Variants in GTSE1 observed in about 807,000 individuals in gnomAD.
GTSE1 encodes G2 and S-phase expressed 1.
In GTSE1, 52 loss-of-function variants were observed where a neutral mutation model predicts 60.5. That is an observed-to-expected ratio of 0.86 (90% CI 0.69 to 1.08). The LOEUF (loss-of-function observed/expected upper bound fraction) is 1.08. Ranked by LOEUF, GTSE1 falls within the 50% of genes least tolerant of loss-of-function variation. The pLI is 0.00. For synonymous variants in GTSE1, 368 were observed against 386.5 expected, an observed-to-expected ratio of 0.95 and a Z score of 0.56; for missense variants, 937 against 961.8, an observed-to-expected ratio of 0.97 and a Z score of 0.34.
rs529440704 is a variant in GTSE1, at chr22:46,321,438, C to T, written c.1433-1752C>T. ...AGAAAAGAAACAAACAAACTGAAAA[C>T]GGAGGTGGAGAGAGGGTGGGAGCAT... On this transcript the variant is annotated intron_variant, in intron 7 of 11. Coordinates refer to ENST00000454366, the MANE Select transcript of GTSE1 (RefSeq NM_016426.7). The surrounding 1 kb of genome is among the most constrained non-coding windows in gnomAD (Gnocchi z 4.0). 1.3e-5 allele frequency among the ~76,000 whole-genome samples: 2 copies of T among 152,184 alleles called. No individual in the cohort carries two copies. The highest frequency in any genetic ancestry group is 1.9e-4 in the East Asian group (1 of 5,158).
chr22:46,314,345 T>C lies in GTSE1; in HGVS notation c.1051+332T>C, dbSNP rs2077766498. Among the ~76,000 whole-genome samples the C allele has an allele frequency of 6.6e-6, 1 of 152,160 alleles. No homozygotes were observed. The highest frequency in any genetic ancestry group is 2.4e-5 in the African/African-American group (1 of 41,440). ...AGACACCAGTTTTAAAATAGGACTA[T>C]TCCAGATAATGTAGGGCATATGGCC... On this transcript the variant is annotated intron_variant, in intron 6 of 11. Coordinates refer to ENST00000454366, the MANE Select transcript of GTSE1 (RefSeq NM_016426.7). This position sits in a 1 kb window ranked among gnomAD's most constrained non-coding sequence, Gnocchi z 7.1.
intron 9 of GTSE1, 69 bp from the exon 10 acceptor site, chr22:46,328,619 C>A: frequency 2.4e-6 from 3 of 1,238,950 alleles, no homozygotes; most frequent in South Asian, 1.3e-5. Flanking sequence ...GAGTGACTTG[C>A]TTCCCACATC....
At chr22:46,311,147 G>T (rs920556177) in intron 4 of GTSE1, among the ~76,000 whole-genome samples, 3 of 151,656 alleles carry the variant, frequency 2.0e-5, no homozygotes, top group African/African-American at 7.3e-5. Context: ...GTGCAATCTC[G>T]GCTCACTGCA....
chr22:46,330,250 G>T lies in GTSE1; in HGVS notation c.*120G>T. ...TAACCCTAGAACTTGGGAGGCTGAG[G>T]TGGGCGGATTACTTGAGCCCAGGAG... On this transcript the variant is annotated 3_prime_UTR_variant, in exon 12 of 12. Coordinates refer to ENST00000454366, the MANE Select transcript of GTSE1 (RefSeq NM_016426.7). This position sits in a 1 kb window ranked among gnomAD's most constrained non-coding sequence, Gnocchi z 6.0. 1.5e-6 allele frequency: 1 copy of T among 669,124 alleles called. No individual in the cohort carries two copies. The highest frequency in any genetic ancestry group is 2.7e-5 in the East Asian group (1 of 37,196). 41.4% of individuals were successfully genotyped at this position (669,124 alleles called of 1,614,324 possible).
chr22:46,315,859 A>C (rs533230947), intron 6 of GTSE1, among the ~76,000 whole-genome samples, 173 bp from the exon 7 acceptor site: 3 of 152,394 alleles, frequency 2.0e-5, no homozygotes, highest in African/African-American at 7.2e-5. Flanking sequence ...CAGCTAAGCT[A>C]AAAGCTGCCT....
chr22:46,323,350 C>T, intron 8 of GTSE1, 88 bp downstream of exon 8: 2 of 1,009,658 alleles, frequency 2.0e-6, no homozygotes, highest in South Asian at 2.5e-5. Context: ...ACCCTGCAGC[C>T]TGGCCTGCGC....
rs1287746306 is a variant in GTSE1, at chr22:46,319,847, A to T, written c.1433-3343A>T. The stretch of plus-strand genomic sequence containing the variant: ...CTAAAAATAGAAAAATTAGCCAGGC[A>T]TGGTGGCGCATGCCTGTAATCCCAG... On this transcript the variant is annotated intron_variant, in intron 7 of 11. Coordinates refer to ENST00000454366, the MANE Select transcript of GTSE1 (RefSeq NM_016426.7). The surrounding 1 kb of genome is among the most constrained non-coding windows in gnomAD (Gnocchi z 5.0). Among the ~76,000 whole-genome samples, 1 of 152,034 alleles carries T rather than the reference A, an allele frequency of 6.6e-6. No individual in the cohort carries two copies. The highest frequency in any genetic ancestry group is 2.4e-5 in the African/African-American group (1 of 41,410).
At chr22:46,326,310 G>A (rs1417935892) in intron 8 of GTSE1, 126 bp from the exon 9 acceptor site, 2 of 720,838 alleles carry the variant, frequency 2.8e-6, no homozygotes. Flanking sequence ...GCTCACACGG[G>A]CTCCCTGGCT....
Position 46,318,114 on chromosome 22 carries a change from ACTGGCCCCAGCAGGTGT to A in GTSE1, c.1432+1709_1432+1725del, listed in dbSNP as rs1391616419. On this transcript the variant is annotated intron_variant, in intron 7 of 11. Coordinates refer to ENST00000454366, the MANE Select transcript of GTSE1 (RefSeq NM_016426.7). The surrounding 1 kb of genome is among the most constrained non-coding windows in gnomAD (Gnocchi z 4.8). ...ACTGCCTTCTCCAGTCAGTGAGGCC[ACTGGCCCCAGCAGGTGT>A]CTGGCCATTAGTGGGTGGGTGTTTG... 6.6e-6 allele frequency among the ~76,000 whole-genome samples: 1 copy of A among 152,260 alleles called. No homozygotes were observed. Among genetic ancestry groups the A allele is most frequent in the East Asian group, 1.9e-4 (1 of 5,196 alleles).
intron 4 of GTSE1, among the ~76,000 whole-genome samples, 164 bp from the exon 5 acceptor site, chr22:46,311,977 G>C (rs1173988276): frequency 6.6e-6 from 1 of 152,210 alleles, no homozygotes; most frequent in Non-Finnish European, 1.5e-5. Flanking sequence ...TTTGGTGGAG[G>C]ATGCGAACTG....
Position 46,320,277 on chromosome 22 carries a change from T to C in GTSE1, c.1433-2913T>C, listed in dbSNP as rs1298977118. Among the ~76,000 whole-genome samples, 1 of 152,220 alleles carries C rather than the reference T, an allele frequency of 6.6e-6. No homozygotes were observed. Among genetic ancestry groups the C allele is most frequent in the Non-Finnish European group, 1.5e-5 (1 of 68,044 alleles). ...CCAGAGCGTGTCCCTGCGGTCTCCT[T>C]ACGCACCTCTCAGATGTGCATTTCA... On this transcript the variant is annotated intron_variant, in intron 7 of 11. Transcript: ENST00000454366. This position sits in a 1 kb window ranked among gnomAD's most constrained non-coding sequence, Gnocchi z 7.1.
chr22:46,299,515 C>A (rs1433116115), intron 2 of GTSE1, among the ~76,000 whole-genome samples: 2 of 152,200 alleles, frequency 1.3e-5, no homozygotes, highest in Non-Finnish European at 2.9e-5. Context: ...CCCAGCTGTG[C>A]AAGCTGAGAA....
In GTSE1 at chr22:46,309,736, C is replaced by T. The variant is rs1020229647; in HGVS notation, c.762+793C>T. On this transcript the variant is annotated intron_variant, in intron 4 of 11. Transcript: ENST00000454366. The surrounding 1 kb of genome is among the most constrained non-coding windows in gnomAD (Gnocchi z 6.2). ...GGATGGAAGGCAGCCGAGGTGCAGC[C>T]GCCACGCCACACACTGCCCTTGACA... Among the ~76,000 whole-genome samples the T allele has an allele frequency of 3.9e-5, 6 of 152,192 alleles. No homozygotes were observed. The highest frequency in any genetic ancestry group is 2.1e-4 in the South Asian group (1 of 4,832).
In GTSE1 at chr22:46,309,014, A is replaced by G; in HGVS notation, c.762+71A>G. 2 of 1,504,588 alleles carry G rather than the reference A, an allele frequency of 1.3e-6. No individual in the cohort carries two copies. The highest frequency in any genetic ancestry group is 1.8e-6 in the Non-Finnish European group (2 of 1,118,188). The allele number at this position is 1,504,588 out of a possible 1,614,324, so 93.2% of individuals were successfully genotyped here. A position where few individuals can be genotyped will look rare whatever the true frequency, so the allele number is the denominator to read the frequency against. On this transcript the variant is annotated intron_variant, in intron 4 of 11. Transcript: ENST00000454366. This position sits in a 1 kb window ranked among gnomAD's most constrained non-coding sequence, Gnocchi z 6.2. ...GCCCCTCAGCCCTCTCACAGAAGCC[A>G]CATGCGGAAAGCCTCAGAGGTGGCG...
chr22:46,316,557 C>T lies in GTSE1; in HGVS notation c.1432+145C>T. 2 of 652,234 alleles carry T rather than the reference C, an allele frequency of 3.1e-6. No individual in the cohort carries two copies. The highest frequency in any genetic ancestry group is 5.2e-6 in the Non-Finnish European group (2 of 385,610). 40.4% of individuals were successfully genotyped at this position (652,234 alleles called of 1,614,324 possible). A position where few individuals can be genotyped will look rare whatever the true frequency, so the allele number is the denominator to read the frequency against. On this transcript the variant is annotated intron_variant, in intron 7 of 11. Coordinates refer to ENST00000454366, the MANE Select transcript of GTSE1 (RefSeq NM_016426.7). The surrounding 1 kb of genome is among the most constrained non-coding windows in gnomAD (Gnocchi z 5.0). ...TCAGGTGTGACCCGCTGTCTTCTCGCCCACGTTGTTTTGGGGGGTCACTGG... is the reference window on the plus strand; with the variant it reads ...TCAGGTGTGACCCGCTGTCTTCTCGTCCACGTTGTTTTGGGGGGTCACTGG...
chr22:46,328,625 A>G, intron 9 of GTSE1, 63 bp from the exon 10 acceptor site: 4 of 1,305,066 alleles, frequency 3.1e-6, no homozygotes, highest in Non-Finnish European at 4.4e-6. Context: ...CTTGCTTCCC[A>G]CATCAGCCAA....
At chr22:46,301,872 T>C (rs766552147) in intron 2 of GTSE1, among the ~76,000 whole-genome samples, 25 of 152,190 alleles carry the variant, frequency 1.6e-4, no homozygotes, top group Non-Finnish European at 2.5e-4. Context: ...CTTGCGCCTG[T>C]CATCCCAACA....
chr22:46,318,315 G>A lies in GTSE1; in HGVS notation c.1432+1903G>A, dbSNP rs2077792680. On this transcript the variant is annotated intron_variant, in intron 7 of 11. Transcript: ENST00000454366. This position sits in a 1 kb window ranked among gnomAD's most constrained non-coding sequence, Gnocchi z 4.8. ...CTGGCAGTGCCGGCCAGCACAGGCAGCCTGCAACTCCCAGAAACTGCATTC... is the reference window on the plus strand; with the variant it reads ...CTGGCAGTGCCGGCCAGCACAGGCAACCTGCAACTCCCAGAAACTGCATTC... 6.6e-6 allele frequency among the ~76,000 whole-genome samples: 1 copy of A among 152,202 alleles called. No homozygotes were observed. The highest frequency in any genetic ancestry group is 2.1e-4 in the South Asian group (1 of 4,830).
chr22:46,312,042 G>A, intron 4 of GTSE1, 99 bp from the exon 5 acceptor site: 1 of 964,046 alleles, frequency 1.0e-6, no homozygotes, highest in Non-Finnish European at 1.6e-6. Flanking sequence ...TGTAGCACTG[G>A]GGAAGATGGG....
Sources: gnomAD v4.1 joint callset for allele counts (sites outside exome capture counted in the v4.1 genomes callset) on GRCh38, gnomAD v4.1.1 for gene constraint, Gnocchi (gnomAD v3.1) non-coding constraint, MANE v1.5 for transcripts, NCBI Gene and HGNC (gene_info 2026-07-23, HGNC 2026-07-21) for gene names.